NTM: variants seen among roughly 807,000 people sequenced by gnomAD.
The protein encoded by NTM is neurotrimin, also known as IgLON family member 2.
In NTM, 13 loss-of-function variants were observed where a neutral mutation model predicts 42.1. That is an observed-to-expected ratio of 0.31 (90% CI 0.20 to 0.49). The LOEUF (loss-of-function observed/expected upper bound fraction) is 0.49. Ranked by LOEUF, NTM falls within the 20% of genes least tolerant of loss-of-function variation. The probability of loss-of-function intolerance (pLI) is 0.99; values close to 1 mark genes in which losing one functional copy is unlikely to be tolerated. For missense variants in NTM, 373 were observed against 452.8 expected (o/e 0.82, Z 1.60); for synonymous variants, 187 against 179.2 (o/e 1.04, Z -0.35).
intron 1 of NTM, among the ~76,000 whole-genome samples, chr11:131,556,385 C>T (rs2055414409): frequency 6.6e-6 from 1 of 152,112 alleles, no homozygotes; most frequent in African/African-American, 2.4e-5. Context: ...TAACTTAATG[C>T]TTCAGGTTAC....
rs7945344 is a variant in NTM at position 131,973,614 on chromosome 11, C to T, written c.167+61966C>T. On this transcript the variant is annotated intron_variant, in intron 2 of 8. Transcript: ENST00000683400. ...GGCAGATCACCTGAGGTCAGGAGTT[C>T]GAGACCAGCTTGGCCAACATGGGGA... is the stretch of plus-strand genomic sequence containing the variant. Among the ~76,000 whole-genome samples, 533 of 152,276 alleles carry T rather than the reference C, an allele frequency of 3.5e-3. 2 individuals are homozygous for T. Among genetic ancestry groups the T allele is most frequent in the African/African-American group, 0.012 (513 of 41,564 alleles).
chr11:131,515,623 A>G (rs2048805165), intron 1 of NTM, among the ~76,000 whole-genome samples: 1 of 152,198 alleles, frequency 6.6e-6, no homozygotes, highest in Admixed American at 6.5e-5. Flanking sequence ...TGCTAGGGAC[A>G]TTATTTTAGG....
At chr11:132,318,601 T>C (rs986529298) in intron 7 of NTM, among the ~76,000 whole-genome samples, 8 of 151,994 alleles carry the variant, frequency 5.3e-5, no homozygotes, top group Admixed American at 5.2e-4. Context: ...ATTAAGACTA[T>C]GACTATGACT....
intron 1 of NTM, chr11:131,534,334 C>T (rs1383191648): frequency 2.6e-5 from 4 of 152,180 alleles, no homozygotes; most frequent in Non-Finnish European, 4.4e-5. Context: ...TGGATATGAA[C>T]ACTAAGACAT....
intron 1 of NTM, among the ~76,000 whole-genome samples, chr11:131,466,040 C>T (rs983668646): frequency 6.6e-6 from 1 of 152,202 alleles, no homozygotes; most frequent in Non-Finnish European, 1.5e-5. Context: ...TATGAGGAAC[C>T]TACAAGCTTT....
chr11:132,245,175 G>A lies in NTM; in HGVS notation c.526+33028G>A, dbSNP rs2090914947. 3.3e-5 allele frequency among the ~76,000 whole-genome samples: 5 copies of A among 152,180 alleles called. No individual in the cohort carries two copies. The South Asian group carries it at 1.0e-3, about 31-fold the overall frequency. ...ACAGAGGTTTGCCGGGGCATGGGTGGAACTTTAACAGGGAAGCTGCACCGT... is the reference window on the plus strand; with the variant it reads ...ACAGAGGTTTGCCGGGGCATGGGTGAAACTTTAACAGGGAAGCTGCACCGT... On this transcript the variant is annotated intron_variant, in intron 4 of 8. Transcript: ENST00000683400.
At chr11:131,516,415 G>T (rs1411933343) in intron 1 of NTM, among the ~76,000 whole-genome samples, 1 of 152,070 alleles carries the variant, frequency 6.6e-6, no homozygotes, top group African/African-American at 2.4e-5. Context: ...TTTCACTTTT[G>T]TTGCCCAGGC....
intron 1 of NTM, among the ~76,000 whole-genome samples, chr11:131,380,302 G>A (rs1020327199): frequency 6.6e-6 from 1 of 151,376 alleles, no homozygotes; most frequent in African/African-American, 2.4e-5. Flanking sequence ...CCGCCTCCCG[G>A]GTTCAAGCGA....
chr11:131,686,208 C>A (rs548843746), intron 1 of NTM, among the ~76,000 whole-genome samples: 11 of 152,334 alleles, frequency 7.2e-5, no homozygotes, highest in Non-Finnish European at 1.0e-4. Flanking sequence ...TCAAATAATG[C>A]GGTGGTTGGG....
chr11:132,107,406 A>G (rs1027639845), intron 2 of NTM, among the ~76,000 whole-genome samples: 6 of 130,582 alleles, frequency 4.6e-5, no homozygotes, highest in Admixed American at 9.3e-5. Context: ...GCTGGAGTAC[A>G]GTGGTATGGT....
chr11:132,229,207 A>T (rs1450883461), intron 4 of NTM, among the ~76,000 whole-genome samples: 2 of 151,390 alleles, frequency 1.3e-5, no homozygotes, highest in African/African-American at 4.9e-5. Flanking sequence ...CCATTTGAGA[A>T]CTCCTCATTT....
intron 1 of NTM, among the ~76,000 whole-genome samples, chr11:131,420,339 C>T (rs972411676): frequency 6.6e-6 from 1 of 152,122 alleles, no homozygotes; most frequent in Non-Finnish European, 1.5e-5. Flanking sequence ...TGCAGGCAGC[C>T]TCTGGAGGCT....
intron 1 of NTM, among the ~76,000 whole-genome samples, chr11:131,754,875 C>G (rs1033088887): frequency 1.4e-4 from 22 of 152,096 alleles, no homozygotes; most frequent in African/African-American, 4.8e-4. Flanking sequence ...GCTATTGATA[C>G]AAGCAACAAT....
chr11:131,832,624 A>G (rs1241971705), intron 1 of NTM, among the ~76,000 whole-genome samples: 2 of 152,164 alleles, frequency 1.3e-5, no homozygotes, highest in Admixed American at 6.6e-5. Context: ...AGGGTCTGGC[A>G]TTGGGGTTCT....
intron 1 of NTM, among the ~76,000 whole-genome samples, chr11:131,772,792 G>A (rs1478836431): frequency 6.6e-6 from 1 of 152,190 alleles, no homozygotes; most frequent in Non-Finnish European, 1.5e-5. Context: ...TTTTGCAACA[G>A]TATAAAGTTC....
intron 2 of NTM, among the ~76,000 whole-genome samples, chr11:132,057,511 A>T (rs537301514): frequency 6.6e-6 from 1 of 151,926 alleles, no homozygotes; most frequent in South Asian, 2.1e-4. Context: ...AATTTTTCCT[A>T]CTCCTCCCAA....
chr11:131,532,129 A>C (rs931653792), intron 1 of NTM, among the ~76,000 whole-genome samples: 10 of 152,232 alleles, frequency 6.6e-5, no homozygotes, highest in African/African-American at 2.4e-4. Context: ...ATTTACTGGC[A>C]TTAACTACGT....
At chr11:131,995,511 A>G (rs1243665806) in intron 2 of NTM, among the ~76,000 whole-genome samples, 1 of 152,124 alleles carries the variant, frequency 6.6e-6, no homozygotes, top group Non-Finnish European at 1.5e-5. Flanking sequence ...ATCAAGAATG[A>G]GGAGTCAGCC....
intron 1 of NTM, among the ~76,000 whole-genome samples, chr11:131,714,182 T>A (rs1565459326): frequency 6.6e-6 from 1 of 151,786 alleles, no homozygotes; most frequent in Non-Finnish European, 1.5e-5. Context: ...AGCTTCAGAT[T>A]TTTATTTATT....
Sources: gnomAD v4.1 joint callset for allele counts (sites outside exome capture counted in the v4.1 genomes callset) on GRCh38, gnomAD v4.1.1 for gene constraint, MANE v1.5 for transcripts, NCBI Gene and HGNC (gene_info 2026-07-23, HGNC 2026-07-21) for gene names.